Variants in STRN observed in about 807,000 individuals in gnomAD.
The protein encoded by STRN is protein phosphatase 2 regulatory subunit B'''alpha.
A neutral mutation model predicts 96.3 loss-of-function variants in STRN; 53 were observed. That is an observed-to-expected ratio of 0.55 (90% CI 0.44 to 0.69). The LOEUF (loss-of-function observed/expected upper bound fraction) is 0.69, where lower values mean the gene tolerates loss of function less well. STRN is among the 30% of genes least tolerant of loss of function. STRN has a pLI of 0.00. For synonymous variants in STRN, 428 were observed against 355.9 expected (o/e 1.20, Z -2.28); for missense variants, 987 against 963.9 (o/e 1.02, Z -0.32).
chr2:36,899,392 TA>T (rs1482807431), intron 6 of STRN, 130 bp downstream of exon 6: 2 of 855,030 alleles, frequency 2.3e-6, no homozygotes, highest in Non-Finnish European at 3.3e-6. Context: ...CAAACTCTCA[TA>T]AATGTCTCCA....
intron 9 of STRN, 129 bp downstream of exon 9, chr2:36,883,803 G>T (rs926518012): frequency 3.3e-6 from 3 of 908,740 alleles, no homozygotes; most frequent in Non-Finnish European, 4.4e-6. Context: ...GCTTGCATTT[G>T]GGGAAAACTA....
intron 6 of STRN, among the ~76,000 whole-genome samples, chr2:36,897,304 T>G (rs780652801): frequency 6.6e-5 from 10 of 152,212 alleles, no homozygotes; most frequent in Non-Finnish European, 1.3e-4. Flanking sequence ...ATTAGGTTGT[T>G]AAAGTCCTTT....
At chr2:36,878,076 C>A (rs750857555) in intron 9 of STRN, 49 bp from the exon 10 acceptor site, 2 of 1,597,336 alleles carry the variant, frequency 1.3e-6, no homozygotes, top group Non-Finnish European at 1.7e-6. Context: ...AAGGAGCCAA[C>A]ATTTAGTCTC....
At chr2:36,960,915 G>A (rs1444790480) in intron 1 of STRN, among the ~76,000 whole-genome samples, 1 of 151,848 alleles carries the variant, frequency 6.6e-6, no homozygotes, top group Admixed American at 6.6e-5. Flanking sequence ...GATTTGTTCT[G>A]AGACAGGGCC....
At chr2:36,893,432 T>C (rs1243417929) in intron 7 of STRN, among the ~76,000 whole-genome samples, 1 of 38,366 alleles carries the variant, frequency 2.6e-5, no homozygotes, top group African/African-American at 4.1e-5. Flanking sequence ...AAATATTTGA[T>C]TTTTTAGAAC....
Position 36,900,751 on chromosome 2 carries a change from G to A in STRN, c.660-1093C>T, listed in dbSNP as rs1196667464. Reference sequence around the variant, plus strand: ...CTACTAAAAATACAAAAATTAGCTGGGTGTAGTGGCGCATGCCTGTAGTCT... The same window carrying A: ...CTACTAAAAATACAAAAATTAGCTGAGTGTAGTGGCGCATGCCTGTAGTCT... On this transcript the variant is annotated intron_variant, in intron 5 of 17. Transcript: ENST00000263918. Among the ~76,000 whole-genome samples the A allele has an allele frequency of 2.6e-5, 4 of 152,000 alleles. 1 individual carries two copies. The highest frequency in any genetic ancestry group is 1.3e-4 in the Admixed American group (2 of 15,242).
At chr2:36,944,954 G>A (rs1319983779) in intron 1 of STRN, among the ~76,000 whole-genome samples, 2 of 152,182 alleles carry the variant, frequency 1.3e-5, no homozygotes, top group African/African-American at 2.4e-5. Flanking sequence ...AAATGGGAAC[G>A]TAGACCAGAG....
chr2:36,927,446 C>T (rs1257537670), intron 1 of STRN, among the ~76,000 whole-genome samples: 2 of 147,390 alleles, frequency 1.4e-5, no homozygotes, highest in Non-Finnish European at 3.0e-5. Flanking sequence ...GAGGCCAAGG[C>T]TGCAGTGAGC....
intron 3 of STRN, 102 bp downstream of exon 3, chr2:36,915,976 T>C (rs946768194): frequency 2.9e-6 from 3 of 1,048,746 alleles, no homozygotes; most frequent in African/African-American, 1.6e-5. Flanking sequence ...AAATAACTAA[T>C]ACACAAATAA....
chr2:36,869,411 G>A, intron 11 of STRN, 143 bp downstream of exon 11: 4 of 851,052 alleles, frequency 4.7e-6, no homozygotes, highest in Non-Finnish European at 6.7e-6. Flanking sequence ...TGTATAAATG[G>A]AAAAACACAA....
At chr2:36,889,158 A>C (rs1669321019) in intron 7 of STRN, among the ~76,000 whole-genome samples, 1 of 152,156 alleles carries the variant, frequency 6.6e-6, no homozygotes, top group South Asian at 2.1e-4. Context: ...CACCTAGAAA[A>C]CCCAGCAAAT....
intron 1 of STRN, among the ~76,000 whole-genome samples, chr2:36,942,216 T>C (rs1026172009): frequency 6.6e-6 from 1 of 152,164 alleles, no homozygotes; most frequent in South Asian, 2.1e-4. Flanking sequence ...TCTGTAGCTA[T>C]AGCAATCTTA....
intron 3 of STRN, among the ~76,000 whole-genome samples, chr2:36,910,133 G>A (rs375065626): frequency 3.4e-5 from 5 of 146,776 alleles, no homozygotes; most frequent in African/African-American, 5.2e-5. Context: ...AGATCGTGGC[G>A]TCACACTCCA....
chr2:36,936,347 A>G (rs972801321), intron 1 of STRN, among the ~76,000 whole-genome samples: 9 of 152,202 alleles, frequency 5.9e-5, no homozygotes, highest in Non-Finnish European at 1.2e-4. Context: ...TTCTACCACT[A>G]CAATAAATGA....
rs1024658976 is a variant in STRN, at chr2:36,846,774, G to C, written c.*2682C>G. On this transcript the variant is annotated 3_prime_UTR_variant, in exon 18 of 18. Transcript: ENST00000263918. ...TTGTTAAATAATCTGTCTATGGTTTGAGTAGCAAATGAGCTCCATATGACA... is the reference window on the plus strand; with the variant it reads ...TTGTTAAATAATCTGTCTATGGTTTCAGTAGCAAATGAGCTCCATATGACA... 6.6e-6 allele frequency: 1 copy of C among 151,998 alleles called. No homozygotes were observed. The highest frequency in any genetic ancestry group is 1.5e-5 in the Non-Finnish European group (1 of 68,006). The allele number at this position is 151,998 out of a possible 1,614,324, so 9.4% of individuals were successfully genotyped here.
chr2:36,933,204 C>T (rs1282945499), intron 1 of STRN, among the ~76,000 whole-genome samples: 1 of 152,056 alleles, frequency 6.6e-6, no homozygotes, highest in African/African-American at 2.4e-5. Flanking sequence ...AGTATAACAA[C>T]TTTTCACAGC....
intron 12 of STRN, among the ~76,000 whole-genome samples, chr2:36,863,731 T>C (rs905621244): frequency 2.0e-5 from 3 of 152,234 alleles, no homozygotes; most frequent in Non-Finnish European, 4.4e-5. Flanking sequence ...AGCATTGAAT[T>C]TGTAAATTGC....
rs574383540 is a variant in STRN, at chr2:36,929,580, T to C, written c.235-4372A>G. On this transcript the variant is annotated intron_variant, in intron 1 of 17. Transcript: ENST00000263918. ...TTGTATTTTTAGTAGAGACAGGGTT[T>C]TACCATGTTGGTCAGGCTGTTCTCA... Among the ~76,000 whole-genome samples the C allele has an allele frequency of 8.5e-5, 13 of 152,270 alleles. No individual in the cohort carries two copies. In the East Asian group the frequency reaches 2.3e-3, roughly 27 times the overall value.
chr2:36,921,559 A>C (rs1670256216), intron 2 of STRN, among the ~76,000 whole-genome samples: 3 of 152,198 alleles, frequency 2.0e-5, no homozygotes, highest in Admixed American at 2.0e-4. Context: ...GATACCTTCT[A>C]AAAGTCTCTC....
Sources: allele counts gnomAD v4.1 joint callset (sites outside exome capture counted in the v4.1 genomes callset), GRCh38; gene constraint gnomAD v4.1.1; transcripts MANE v1.5; gene names NCBI Gene and HGNC (gene_info 2026-07-23, HGNC 2026-07-21).